PAXIP1: variants seen among roughly 807,000 people sequenced by gnomAD.
PAXIP1 encodes the protein PAX interacting protein 1.
A neutral mutation model predicts 140.6 loss-of-function variants in PAXIP1; 19 were observed. The observed-to-expected ratio is 0.14, with a 90% confidence interval of 0.09 to 0.20. PAXIP1 has a LOEUF of 0.20. Among genes scored for constraint, PAXIP1 ranks in the 10% least tolerant of loss-of-function variants. The pLI, the probability that PAXIP1 is intolerant of heterozygous loss-of-function variation, is 1.00. For synonymous variants in PAXIP1, 442 were observed against 444.6 expected, an observed-to-expected ratio of 0.99 and a Z score of 0.07; for missense variants, 920 against 1,208.6, an observed-to-expected ratio of 0.76 and a Z score of 3.54.
chr7:154,958,180 G>A (rs1808612630), intron 13 of PAXIP1, among the ~76,000 whole-genome samples: 1 of 152,154 alleles, frequency 6.6e-6, no homozygotes, highest in African/African-American at 2.4e-5. Flanking sequence ...ACTAGGACCA[G>A]CTCCAGTCCC....
Position 154,946,655 on chromosome 7 carries a change from G to T in PAXIP1, c.3057+24C>A. 1 of 1,613,522 alleles carries T rather than the reference G, an allele frequency of 6.2e-7. No individual in the cohort carries two copies. The highest frequency in any genetic ancestry group is 1.1e-5 in the South Asian group (1 of 91,072). ...TGTGATACAGGGCAATGACGGACTCGCTGGCGGACTCCACTCTACCCACCG... is the reference window on the plus strand; with the variant it reads ...TGTGATACAGGGCAATGACGGACTCTCTGGCGGACTCCACTCTACCCACCG... On this transcript the variant is annotated intron_variant, in intron 18 of 20. Transcript: ENST00000404141. This position sits in a 1 kb window ranked among gnomAD's most constrained non-coding sequence, Gnocchi z 4.9.
intron 16 of PAXIP1, chr7:154,949,793 GC>G (rs1808188705): frequency 6.6e-6 from 1 of 152,144 alleles, no homozygotes; most frequent in Non-Finnish European, 1.5e-5. Flanking sequence ...TGCAGTCCCA[GC>G]TACTAGGGAG....
intron 6 of PAXIP1, among the ~76,000 whole-genome samples, chr7:154,975,156 CAAAAAAAA>C (rs61595965): frequency 9.4e-6 from 1 of 106,900 alleles, no homozygotes; most frequent in African/African-American, 3.6e-5. Flanking sequence ...GACTCCATCT[CAAAAAAAA>C]AAAAAAAAAC....
chr7:154,990,037 C>CTTTTTTTT (rs749788206), intron 4 of PAXIP1, among the ~76,000 whole-genome samples: 10 of 109,926 alleles, frequency 9.1e-5, no homozygotes, highest in East Asian at 2.9e-4. Context: ...ATAAGTTTCT[C>CTTTTTTTT]TTTTTTTTTT....
At chr7:154,985,682 G>A (rs914335781) in intron 4 of PAXIP1, among the ~76,000 whole-genome samples, 1 of 152,198 alleles carries the variant, frequency 6.6e-6, no homozygotes, top group Non-Finnish European at 1.5e-5. Context: ...AGGAATAAAA[G>A]CTTTCCTTTA....
chr7:154,999,851 C>T (rs1810807048), intron 1 of PAXIP1, among the ~76,000 whole-genome samples: 2 of 152,042 alleles, frequency 1.3e-5, no homozygotes, highest in African/African-American at 2.4e-5. Flanking sequence ...TGAAGGTGGT[C>T]GCAGTGCAGA....
chr7:154,945,437 T>G, intron 20 of PAXIP1: 1 of 567,356 alleles, frequency 1.8e-6, no homozygotes, highest in Non-Finnish European at 2.2e-6. Flanking sequence ...TACTTAAATG[T>G]AATTACCTGG....
chr7:154,975,167 A>G (rs903823190), intron 6 of PAXIP1, among the ~76,000 whole-genome samples: 1 of 151,650 alleles, frequency 6.6e-6, no homozygotes, highest in African/African-American at 2.4e-5. Flanking sequence ...AAAAAAAAAA[A>G]AAAAAACAAA....
chr7:155,000,856 A>T (rs758739648), intron 1 of PAXIP1: 2 of 152,182 alleles, frequency 1.3e-5, no homozygotes, highest in Non-Finnish European at 2.9e-5. Flanking sequence ...TCATGTTCTT[A>T]ACTTCTGCTT....
At chr7:154,990,583 T>C (rs185719059) in intron 4 of PAXIP1, among the ~76,000 whole-genome samples, 30 of 152,338 alleles carry the variant, frequency 2.0e-4, no homozygotes, top group African/African-American at 7.0e-4. Context: ...GCATCAAATG[T>C]TTTGTTACAC....
chr7:154,997,589 T>C (rs756393722), intron 2 of PAXIP1, among the ~76,000 whole-genome samples: 7 of 152,250 alleles, frequency 4.6e-5, no homozygotes, highest in Middle Eastern at 3.2e-3. Flanking sequence ...AATCGAAGCA[T>C]TGGAATTACA....
At chr7:154,962,515 G>T in intron 9 of PAXIP1, 57 bp from the exon 10 acceptor site, 27 of 1,523,646 alleles carry the variant, frequency 1.8e-5, no homozygotes, top group East Asian at 2.3e-5. Flanking sequence ...CAGGATTAAA[G>T]AAAATTCTAA....
Position 154,976,108 on chromosome 7 carries a change from G to C in PAXIP1, c.662C>G (p.Ala221Gly), listed in dbSNP as rs1330997055. The change falls in exon 6 of 21, where the codon GCC becomes GGC. Residue 221 changes from alanine (A) to glycine (G), a missense_variant. This residue lies in a region of PAXIP1 where 419 missense variants were observed against 514.7 expected (regional missense o/e 0.81). Transcript: ENST00000404141. The stretch of plus-strand genomic sequence containing the variant: ...TGAAGGAGACCCTTCTTGAGAGCTG[G>C]CAGGGCTTGACTTCTCATCTGTACT... ...EGSTDEKSSPASSQEGSPSGD... is the reference protein window; with the variant it reads ...EGSTDEKSSPGSSQEGSPSGD... 4 of 1,571,476 alleles carry C rather than the reference G, an allele frequency of 2.5e-6. No individual in the cohort carries two copies. The highest frequency in any genetic ancestry group is 4.7e-5 in the East Asian group (2 of 42,832).
chr7:154,985,684 T>A (rs1810036406), intron 4 of PAXIP1, among the ~76,000 whole-genome samples: 1 of 152,182 alleles, frequency 6.6e-6, no homozygotes, highest in East Asian at 1.9e-4. Context: ...GAATAAAAGC[T>A]TTCCTTTAAA....
At chr7:154,945,573 G>A (rs537942113) in intron 20 of PAXIP1, 2 of 985,322 alleles carry the variant, frequency 2.0e-6, no homozygotes, top group Non-Finnish European at 1.2e-6. Context: ...GGTCCACTGA[G>A]GTTGACACTG....
At chr7:154,996,317 A>G (rs905043472) in intron 2 of PAXIP1, among the ~76,000 whole-genome samples, 5 of 152,230 alleles carry the variant, frequency 3.3e-5, no homozygotes, top group Admixed American at 2.6e-4. Context: ...CAAAAATTAC[A>G]AGCAGGCTGG....
chr7:154,976,426 GC>G, intron 5 of PAXIP1, 95 bp from the exon 6 acceptor site: 1 of 1,468,684 alleles, frequency 6.8e-7, no homozygotes, highest in Non-Finnish European at 9.1e-7. Flanking sequence ...GTCAAGGAAT[GC>G]AGTTGAAATG....
At chr7:154,994,478 A>AC (rs1810483393) in intron 2 of PAXIP1, among the ~76,000 whole-genome samples, 1 of 152,038 alleles carries the variant, frequency 6.6e-6, no homozygotes, top group Non-Finnish European at 1.5e-5. Context: ...TATACTCACT[A>AC]CCCACCCATC....
Position 154,959,879 on chromosome 7 carries a change from A to C in PAXIP1, c.2478+11T>G, listed in dbSNP as rs369165494. On this transcript the variant is annotated intron_variant, in intron 13 of 20. Transcript: ENST00000404141. ...AGTAATAGCCAAGGTAAGGTTATTAATTTGACATACCATCAACAACTCTGC... is the reference window on the plus strand; with the variant it reads ...AGTAATAGCCAAGGTAAGGTTATTACTTTGACATACCATCAACAACTCTGC... The C allele has an allele frequency of 2.5e-5, 39 of 1,573,434 alleles. No individual in the cohort carries two copies. Among genetic ancestry groups the C allele is most frequent in the Non-Finnish European group, 3.3e-5 (38 of 1,143,366 alleles).
Sources: gnomAD v4.1 joint callset for allele counts (sites outside exome capture counted in the v4.1 genomes callset) on GRCh38, gnomAD v4.1.1 for gene constraint, gnomAD v4.1.1 regional missense constraint, Gnocchi (gnomAD v3.1) non-coding constraint, MANE v1.5 for transcripts, NCBI Gene and HGNC (gene_info 2026-07-23, HGNC 2026-07-21) for gene names.